Variants in GRIK4 observed in about 807,000 individuals in gnomAD.
The protein encoded by GRIK4 is glutamate receptor ionotropic, kainate 4.
Under a neutral mutation model 104.9 loss-of-function variants are expected in GRIK4, and 40 were observed. The ratio of observed to expected loss-of-function variants is 0.38; its 90% CI spans 0.30 to 0.50. The LOEUF (loss-of-function observed/expected upper bound fraction) is 0.50, where lower values mean the gene tolerates loss of function less well. Ranked by LOEUF, GRIK4 falls within the 20% of genes least tolerant of loss-of-function variation. The pLI is 0.93. For synonymous variants in GRIK4, 485 were observed against 524.9 expected (o/e 0.92, Z 1.04); for missense variants, 1,047 against 1,308.1 (o/e 0.80, Z 3.08).
At chr11:120,526,719 C>G (rs1040273136) in intron 1 of GRIK4, among the ~76,000 whole-genome samples, 4 of 152,148 alleles carry the variant, frequency 2.6e-5, no homozygotes, top group African/African-American at 9.7e-5. Flanking sequence ...GTAATCCAAG[C>G]TATTTGGGAG....
chr11:120,676,654 C>G (rs1327424745), intron 3 of GRIK4, among the ~76,000 whole-genome samples: 1 of 152,208 alleles, frequency 6.6e-6, no homozygotes, highest in African/African-American at 2.4e-5. Flanking sequence ...CAAGAACTCA[C>G]TCACTGCAGA....
chr11:120,731,000 A>G (rs1042879858), intron 3 of GRIK4, among the ~76,000 whole-genome samples: 2 of 152,188 alleles, frequency 1.3e-5, no homozygotes, highest in East Asian at 3.8e-4. Context: ...AGATCATATC[A>G]TCTGCAAACA....
chr11:120,568,961 A>G (rs1948364280), intron 1 of GRIK4, among the ~76,000 whole-genome samples: 1 of 152,262 alleles, frequency 6.6e-6, no homozygotes, highest in Non-Finnish European at 1.5e-5. Flanking sequence ...CTTTTATGTT[A>G]AGCCTCTCTA....
intron 3 of GRIK4, among the ~76,000 whole-genome samples, chr11:120,762,724 A>G (rs1951771351): frequency 6.6e-6 from 1 of 152,100 alleles, no homozygotes; most frequent in Non-Finnish European, 1.5e-5. Context: ...GGTTCTGTTT[A>G]TGTGTTGGAT....
chr11:120,637,092 TAGAAG>T (rs1760701547), intron 1 of GRIK4, among the ~76,000 whole-genome samples: 1 of 144,580 alleles, frequency 6.9e-6, no homozygotes, highest in Admixed American at 7.4e-5. Context: ...TCGTGAAGAA[TAGAAG>T]AGAAGATGCA....
intron 3 of GRIK4, among the ~76,000 whole-genome samples, chr11:120,783,157 G>A (rs1457868700): frequency 2.6e-5 from 4 of 152,208 alleles, no homozygotes; most frequent in Non-Finnish European, 4.4e-5. Flanking sequence ...CCAGCCCCAC[G>A]TCAGTAGTGC....
chr11:120,976,525 T>G (rs1013578389), intron 19 of GRIK4, among the ~76,000 whole-genome samples: 6 of 152,214 alleles, frequency 3.9e-5, no homozygotes, highest in Admixed American at 3.9e-4. Context: ...TTGATACACT[T>G]GCATGGCTAT....
intron 1 of GRIK4, among the ~76,000 whole-genome samples, chr11:120,568,358 A>G (rs1948356535): frequency 1.3e-5 from 2 of 150,794 alleles, no homozygotes; most frequent in Non-Finnish European, 2.9e-5. Flanking sequence ...GGAGATGTAC[A>G]CCACCTTCTT....
At chr11:120,778,758 C>G (rs1952091878) in intron 3 of GRIK4, among the ~76,000 whole-genome samples, 1 of 152,200 alleles carries the variant, frequency 6.6e-6, no homozygotes, top group African/African-American at 2.4e-5. Flanking sequence ...CCGATGAGCC[C>G]CTCCTTCATA....
chr11:120,875,062 C>T, intron 10 of GRIK4, 77 bp from the exon 11 acceptor site: 1 of 893,910 alleles, frequency 1.1e-6, no homozygotes. Context: ...TTAAATAGCC[C>T]CTGTGTAGAA....
chr11:120,731,221 G>A (rs1951121931), intron 3 of GRIK4, among the ~76,000 whole-genome samples: 1 of 150,876 alleles, frequency 6.6e-6, no homozygotes, highest in African/African-American at 2.4e-5. Flanking sequence ...GGCTTTTACT[G>A]TGTTGAGGTA....
chr11:120,723,525 G>A (rs1950969326), intron 3 of GRIK4, among the ~76,000 whole-genome samples: 1 of 152,168 alleles, frequency 6.6e-6, no homozygotes, highest in South Asian at 2.1e-4. Context: ...CCCACAATTA[G>A]GAAACTGAGG....
intron 7 of GRIK4, among the ~76,000 whole-genome samples, chr11:120,834,193 C>T (rs770652077): frequency 1.3e-5 from 2 of 152,078 alleles, no homozygotes; most frequent in African/African-American, 4.8e-5. Context: ...TTTACACTTT[C>T]GCCAGCAGCA....
chr11:120,640,188 C>T (rs1949453366), intron 1 of GRIK4, among the ~76,000 whole-genome samples: 1 of 152,194 alleles, frequency 6.6e-6, no homozygotes, highest in African/African-American at 2.4e-5. Context: ...CAGGAATTTG[C>T]TTTGTTTACT....
intron 3 of GRIK4, among the ~76,000 whole-genome samples, chr11:120,738,822 C>A (rs1024070792): frequency 6.6e-6 from 1 of 152,204 alleles, no homozygotes; most frequent in Non-Finnish European, 1.5e-5. Context: ...TGCCTTCCCT[C>A]TGAAGCTCAG....
chr11:120,791,425 G>A (rs1198650991), intron 3 of GRIK4, among the ~76,000 whole-genome samples: 12 of 152,130 alleles, frequency 7.9e-5, no homozygotes, highest in Admixed American at 7.2e-4. Context: ...ATGTCTATTC[G>A]AATCTTTTGC....
At chr11:120,928,230 A>G (rs1264307213) in intron 13 of GRIK4, among the ~76,000 whole-genome samples, 2 of 149,108 alleles carry the variant, frequency 1.3e-5, no homozygotes, top group African/African-American at 2.5e-5. Context: ...AAAAAAAAAA[A>G]GCTAGAAGGC....
intron 13 of GRIK4, among the ~76,000 whole-genome samples, chr11:120,909,693 C>A (rs10892639): frequency 0.56 from 85,725 of 152,070 alleles, 26,308 homozygotes; most frequent in East Asian, 0.84. Flanking sequence ...ACCTCCCCAA[C>A]AAGGGGCTTG....
rs1484662248 is a variant in GRIK4 at position 120,886,348 on chromosome 11, C to T, written c.1164+11105C>T. ...GTAATGTTTCTGTTTAAAATGACCC[C>T]TAAGCATAGTGCTGAAGTGCTATCT... On this transcript the variant is annotated intron_variant, in intron 11 of 20. Transcript: ENST00000527524. Among the ~76,000 whole-genome samples the T allele has an allele frequency of 2.6e-5, 4 of 152,298 alleles. No individual in the cohort carries two copies. In the East Asian group the frequency reaches 7.7e-4, roughly 29 times the overall value.
Sources: allele counts gnomAD v4.1 joint callset (sites outside exome capture counted in the v4.1 genomes callset), GRCh38; gene constraint gnomAD v4.1.1; transcripts MANE v1.5; gene names NCBI Gene and HGNC (gene_info 2026-07-23, HGNC 2026-07-21).